Variants in KCNH8 observed in about 807,000 individuals in gnomAD.
KCNH8 encodes potassium voltage-gated channel subfamily H member 8, also known as voltage-gated delayed rectifier potassium channel KCNH8.
Under a neutral mutation model 103.6 loss-of-function variants are expected in KCNH8, and 70 were observed. The observed-to-expected ratio is 0.68, with a 90% CI of 0.56 to 0.82. The LOEUF (loss-of-function observed/expected upper bound fraction) is 0.82. KCNH8 is among the 40% of genes least tolerant of loss of function. The pLI, the probability that KCNH8 is intolerant of heterozygous loss-of-function variation, is 0.00. For synonymous variants in KCNH8, 498 were observed against 489.4 expected (o/e 1.02, Z -0.23); for missense variants, 1,217 against 1,329.9 (o/e 0.92, Z 1.32).
chr3:19,479,643 T>A (rs1360349913), intron 11 of KCNH8, among the ~76,000 whole-genome samples: 1 of 152,196 alleles, frequency 6.6e-6, no homozygotes, highest in East Asian at 1.9e-4. Flanking sequence ...CACCTCCAGA[T>A]GAGTCTACAA....
At chr3:19,202,603 G>A (rs533449324) in intron 1 of KCNH8, among the ~76,000 whole-genome samples, 2 of 152,104 alleles carry the variant, frequency 1.3e-5, no homozygotes, top group Admixed American at 1.3e-4. Flanking sequence ...AGAAATATGA[G>A]AAATTATGCT....
At chr3:19,193,748 C>T (rs1468162756) in intron 1 of KCNH8, among the ~76,000 whole-genome samples, 6 of 151,678 alleles carry the variant, frequency 4.0e-5, no homozygotes, top group Admixed American at 3.3e-4. Context: ...CAGAAGGAGA[C>T]TCCTCAAAGC....
At chr3:19,192,204 A>G (rs941519774) in intron 1 of KCNH8, among the ~76,000 whole-genome samples, 10 of 151,646 alleles carry the variant, frequency 6.6e-5, no homozygotes, top group Middle Eastern at 3.2e-3. Flanking sequence ...TGTATGTCCT[A>G]GAAAATGTGT....
chr3:19,209,318 A>G (rs908224832), intron 1 of KCNH8, among the ~76,000 whole-genome samples: 1 of 152,114 alleles, frequency 6.6e-6, no homozygotes, highest in African/African-American at 2.4e-5. Context: ...ATGAAAATAA[A>G]TCACTAAAAC....
At chr3:19,461,145 TGG>T (rs2067620254) in intron 11 of KCNH8, among the ~76,000 whole-genome samples, 1 of 152,194 alleles carries the variant, frequency 6.6e-6, no homozygotes. Context: ...TACTTCATTA[TGG>T]CTGGAACCAA....
At chr3:19,414,975 T>C (rs1056964637) in intron 7 of KCNH8, among the ~76,000 whole-genome samples, 9 of 151,990 alleles carry the variant, frequency 5.9e-5, no homozygotes, top group Non-Finnish European at 1.0e-4. Context: ...TTTAATAAAA[T>C]GTTACAGATA....
chr3:19,204,027 T>G (rs1484038772), intron 1 of KCNH8, among the ~76,000 whole-genome samples: 1 of 152,122 alleles, frequency 6.6e-6, no homozygotes, highest in Non-Finnish European at 1.5e-5. Context: ...TTCACCAATA[T>G]ATTTTAAAAC....
At chr3:19,493,144 C>T (rs944295390) in intron 11 of KCNH8, among the ~76,000 whole-genome samples, 5 of 152,044 alleles carry the variant, frequency 3.3e-5, no homozygotes, top group East Asian at 1.9e-4. Context: ...TTAGGGGTTT[C>T]TAGATATACA....
intron 11 of KCNH8, among the ~76,000 whole-genome samples, chr3:19,469,471 G>A (rs1240942543): frequency 1.3e-5 from 2 of 151,938 alleles, no homozygotes; most frequent in African/African-American, 4.8e-5. Flanking sequence ...ATGGAGTCTC[G>A]CAGCATCACC....
intron 1 of KCNH8, among the ~76,000 whole-genome samples, chr3:19,185,451 A>G (rs1212401863): frequency 1.3e-5 from 2 of 151,912 alleles, no homozygotes; most frequent in African/African-American, 4.8e-5. Context: ...GTCTTTTGCC[A>G]TATTTTAAAC....
At chr3:19,415,018 T>G (rs962732423) in intron 7 of KCNH8, among the ~76,000 whole-genome samples, 1 of 152,024 alleles carries the variant, frequency 6.6e-6, no homozygotes, top group African/African-American at 2.4e-5. Context: ...TCCCTCTTTC[T>G]CTCCTCTACT....
chr3:19,231,854 A>G (rs1026758170), intron 1 of KCNH8, among the ~76,000 whole-genome samples: 1 of 152,186 alleles, frequency 6.6e-6, no homozygotes, highest in African/African-American at 2.4e-5. Flanking sequence ...TCATTTGCAA[A>G]CATTTCTTTT....
intron 11 of KCNH8, 96 bp downstream of exon 11, chr3:19,457,078 A>C: frequency 1.3e-6 from 1 of 749,512 alleles, no homozygotes; most frequent in Non-Finnish European, 2.2e-6. Context: ...TCACCTTAAA[A>C]AGTCTCTGAA....
At chr3:19,281,480 A>C in intron 3 of KCNH8, 151 bp downstream of exon 3, 1 of 639,226 alleles carries the variant, frequency 1.6e-6, no homozygotes, top group South Asian at 2.1e-5. Context: ...CATATTCCAA[A>C]TCACAGACTC....
At chr3:19,281,989 A>G (rs925206426) in intron 3 of KCNH8, among the ~76,000 whole-genome samples, 4 of 152,084 alleles carry the variant, frequency 2.6e-5, no homozygotes, top group Non-Finnish European at 4.4e-5. Flanking sequence ...AACTGCTGAT[A>G]TTATTTGTTT....
chr3:19,230,555 T>C (rs2063982317), intron 1 of KCNH8, among the ~76,000 whole-genome samples: 1 of 152,136 alleles, frequency 6.6e-6, no homozygotes, highest in Non-Finnish European at 1.5e-5. Flanking sequence ...TTGTGATAAA[T>C]GGTTATAGGG....
intron 1 of KCNH8, among the ~76,000 whole-genome samples, chr3:19,201,254 A>AAAAAAAAAAAAG (rs1559419872): frequency 1.2e-4 from 17 of 143,462 alleles, no homozygotes; most frequent in Non-Finnish European, 1.7e-4. Context: ...AAAAAAAAAA[A>AAAAAAAAAAAAG]AAAAAAAAGA....
At chr3:19,318,662 T>TGTGTGTAC (rs1491117852) in intron 3 of KCNH8, among the ~76,000 whole-genome samples, 56 of 142,564 alleles carry the variant, frequency 3.9e-4, no homozygotes, top group African/African-American at 1.4e-3. Context: ...TGTGTGTGTG[T>TGTGTGTAC]ACACACACAC....
At chr3:19,378,770 T>A (rs190876890) in intron 5 of KCNH8, among the ~76,000 whole-genome samples, 28 of 152,354 alleles carry the variant, frequency 1.8e-4, no homozygotes, top group African/African-American at 6.7e-4. Context: ...ACAAGTTCTT[T>A]GGGGCACAGT....
Sources: allele counts gnomAD v4.1 joint callset (sites outside exome capture counted in the v4.1 genomes callset), GRCh38; gene constraint gnomAD v4.1.1; transcripts MANE v1.5; gene names NCBI Gene and HGNC (gene_info 2026-07-23, HGNC 2026-07-21).